Variants in ADRA1B observed in about 807,000 individuals in gnomAD.
ADRA1B encodes the protein adrenoceptor alpha 1B.
Under a neutral mutation model 17.9 loss-of-function variants are expected in ADRA1B, and 17 were observed. That is an observed-to-expected ratio of 0.95 (90% CI 0.65 to 1.42). The LOEUF (loss-of-function observed/expected upper bound fraction) is 1.42. ADRA1B is among the 40% of genes most tolerant of loss of function. ADRA1B has a pLI of 0.00. For missense variants in ADRA1B, 681 were observed against 722.1 expected (o/e 0.94, Z 0.65); for synonymous variants, 366 against 327.6 (o/e 1.12, Z -1.27).
At chr5:159,958,941 C>G (rs998088702) in intron 1 of ADRA1B, among the ~76,000 whole-genome samples, 1 of 152,192 alleles carries the variant, frequency 6.6e-6, no homozygotes, top group Admixed American at 6.5e-5. Context: ...CTGCAGAAAC[C>G]ATTTCATCCC....
chr5:159,962,998 C>T (rs1165424955), intron 1 of ADRA1B, among the ~76,000 whole-genome samples: 3 of 135,564 alleles, frequency 2.2e-5, no homozygotes, highest in African/African-American at 8.5e-5. Flanking sequence ...CTCCTGGACT[C>T]GTGCGATCCT....
intron 1 of ADRA1B, among the ~76,000 whole-genome samples, chr5:159,871,979 A>G (rs1753747614): frequency 6.6e-6 from 1 of 152,140 alleles, no homozygotes; most frequent in Admixed American, 6.5e-5. Flanking sequence ...TTATGTACTC[A>G]TGAGGGATCC....
chr5:159,972,721 C>T lies in ADRA1B; in HGVS notation c.*229C>T, dbSNP rs1037606702. ...GCTGAGAGCCTGGGGGACCCGACGC[C>T]GCCGGGATTTACCTCTCTCTCTCCC... On this transcript the variant is annotated 3_prime_UTR_variant, in exon 2 of 2. Transcript: ENST00000306675. 6.6e-6 allele frequency among the ~76,000 whole-genome samples: 1 copy of T among 152,148 alleles called. No individual in the cohort carries two copies. Among genetic ancestry groups the T allele is most frequent in the African/African-American group, 2.4e-5 (1 of 41,454 alleles).
At chr5:159,909,601 A>T (rs1754204073) in intron 1 of ADRA1B, among the ~76,000 whole-genome samples, 1 of 152,250 alleles carries the variant, frequency 6.6e-6, no homozygotes, top group African/African-American at 2.4e-5. Flanking sequence ...AATGTCAGAC[A>T]CAATTCTCTA....
chr5:159,958,311 C>T (rs1268756468), intron 1 of ADRA1B, among the ~76,000 whole-genome samples: 1 of 152,060 alleles, frequency 6.6e-6, no homozygotes, highest in Admixed American at 6.6e-5. Flanking sequence ...CTGTTTTTTC[C>T]CACCACTTAC....
chr5:159,951,160 TC>T, intron 1 of ADRA1B: 1 of 750,760 alleles, frequency 1.3e-6, no homozygotes, highest in South Asian at 1.3e-5. Context: ...TTGTAGCTCC[TC>T]CCTGCAAGTC....
At position 159,972,617 on chromosome 5, in the gene ADRA1B, G is replaced by A. The variant is rs903432169; in HGVS notation, c.*125G>A. 2 of 773,428 alleles carry A rather than the reference G, an allele frequency of 2.6e-6. No homozygotes were observed. The highest frequency in any genetic ancestry group is 3.6e-6 in the Non-Finnish European group (2 of 555,492). The allele number at this position is 773,428 out of a possible 1,614,324, so 47.9% of individuals were successfully genotyped here. On this transcript the variant is annotated 3_prime_UTR_variant, in exon 2 of 2. Transcript: ENST00000306675. ...CGCGCGCCCCAAGGGGAACCGGGGGGAGGGCCGGGGAGAGGGGCAGCTGCT... is the reference window on the plus strand; with the variant it reads ...CGCGCGCCCCAAGGGGAACCGGGGGAAGGGCCGGGGAGAGGGGCAGCTGCT...
At chr5:159,986,631 C>A in the ADRA1B span, among the ~76,000 whole-genome samples, 1 of 152,112 alleles carries the variant, frequency 6.6e-6, no homozygotes, top group African/African-American at 2.4e-5. Flanking sequence ...CCCCGTCTAA[C>A]GGATTTAGCA....
intron 1 of ADRA1B, among the ~76,000 whole-genome samples, chr5:159,931,981 GT>G (rs148097457): frequency 0.027 from 4,042 of 152,284 alleles, 80 homozygotes; most frequent in Non-Finnish European, 0.036. Context: ...ATATAACCAT[GT>G]TTTAGTATTT....
chr5:159,883,993 T>C (rs765626113), intron 1 of ADRA1B, among the ~76,000 whole-genome samples: 3 of 152,096 alleles, frequency 2.0e-5, no homozygotes, highest in Admixed American at 2.0e-4. Flanking sequence ...AATTGACCAG[T>C]GGATGAGGGG....
At chr5:159,976,855 G>A (rs1032591981), downstream of ADRA1B, among the ~76,000 whole-genome samples, 1 of 152,124 alleles carries the variant, frequency 6.6e-6, no homozygotes, top group African/African-American at 2.4e-5. Context: ...CAGGACAGTG[G>A]CCCTGAGCAT....
intron 1 of ADRA1B, among the ~76,000 whole-genome samples, chr5:159,956,041 G>C (rs773568557): frequency 5.1e-4 from 77 of 152,130 alleles, no homozygotes; most frequent in Admixed American, 5.2e-4. Flanking sequence ...CCAAGGTTTT[G>C]AGACCAGCCT....
chr5:159,921,899 C>T (rs1206066403), intron 1 of ADRA1B, among the ~76,000 whole-genome samples: 1 of 152,218 alleles, frequency 6.6e-6, no homozygotes, highest in Non-Finnish European at 1.5e-5. Flanking sequence ...AATCTTCCAG[C>T]TCTGAGATTT....
At chr5:159,939,278 A>AGAGTGTGT (rs1417832136) in intron 1 of ADRA1B, among the ~76,000 whole-genome samples, 1 of 98,312 alleles carries the variant, frequency 1.0e-5, no homozygotes, top group African/African-American at 3.8e-5. Context: ...AGAGAGAGAG[A>AGAGTGTGT]GTGTGTGTGT....
intron 1 of ADRA1B, among the ~76,000 whole-genome samples, chr5:159,884,035 G>A (rs758844013): frequency 1.3e-5 from 2 of 152,182 alleles, no homozygotes; most frequent in Non-Finnish European, 1.5e-5. Context: ...GACTACTTGC[G>A]ACAGAGAGAA....
downstream of ADRA1B, among the ~76,000 whole-genome samples, chr5:159,973,592 G>T (rs1184411721): frequency 6.6e-6 from 1 of 152,158 alleles, no homozygotes; most frequent in Admixed American, 6.5e-5. Flanking sequence ...ATAAGATATG[G>T]ATCCTTGGGG....
upstream of ADRA1B, among the ~76,000 whole-genome samples, chr5:159,914,512 C>T (rs1198033507): frequency 6.6e-6 from 1 of 152,148 alleles, no homozygotes; most frequent in Non-Finnish European, 1.5e-5. Context: ...TCAAATACAG[C>T]TTAGGGCAAT....
At chr5:159,958,420 C>T (rs1035863678) in intron 1 of ADRA1B, among the ~76,000 whole-genome samples, 1 of 152,082 alleles carries the variant, frequency 6.6e-6, no homozygotes, top group African/African-American at 2.4e-5. Context: ...CTTTCTTCTG[C>T]CTTTTTCTGC....
At chr5:159,918,981 C>T (rs962116003) in intron 1 of ADRA1B, among the ~76,000 whole-genome samples, 2 of 152,120 alleles carry the variant, frequency 1.3e-5, no homozygotes, top group African/African-American at 2.4e-5. Flanking sequence ...TGCAATCACA[C>T]CGGAGTCTCA....
Sources: gnomAD v4.1 joint callset for allele counts (sites outside exome capture counted in the v4.1 genomes callset) on GRCh38, gnomAD v4.1.1 for gene constraint, MANE v1.5 for transcripts, NCBI Gene and HGNC (gene_info 2026-07-23, HGNC 2026-07-21) for gene names.